SLC38A12: variants seen among roughly 807,000 people sequenced by gnomAD.
SLC38A12 encodes putative sodium-coupled neutral amino acid transporter 12.
chr17:74,836,772 C>T, the SLC38A12 span: 7 of 1,497,252 alleles, frequency 4.7e-6, no homozygotes, highest in South Asian at 9.5e-5. The surrounding 1 kb of genome is among the most constrained non-coding windows in gnomAD (Gnocchi z 4.2). Flanking sequence ...TAGTTGCTCC[C>T]AGGTCTTCAT....
chr17:74,836,092 C>G, the SLC38A12 span: 3 of 1,613,964 alleles, frequency 1.9e-6, no homozygotes, highest in Admixed American at 1.7e-5. This position sits in a 1 kb window ranked among gnomAD's most constrained non-coding sequence, Gnocchi z 4.2. Flanking sequence ...CCCGTCTCCT[C>G]CAAGCGCCAC....
At chr17:74,831,128 C>G in the SLC38A12 span, among the ~76,000 whole-genome samples, 1 of 152,064 alleles carries the variant, frequency 6.6e-6, no homozygotes, top group Non-Finnish European at 1.5e-5. Context: ...CCTCTGGGAC[C>G]CCCACCACGT....
the SLC38A12 span, among the ~76,000 whole-genome samples, chr17:74,820,667 A>G: frequency 6.6e-6 from 1 of 152,190 alleles, no homozygotes. Context: ...GGGTGTGTCC[A>G]GGCTCCAGGA....
chr17:74,828,027 CG>C, the SLC38A12 span, among the ~76,000 whole-genome samples: 1 of 152,196 alleles, frequency 6.6e-6, no homozygotes, highest in South Asian at 2.1e-4. Context: ...CCTGGAGTGC[CG>C]GTGCCTGAGC....
chr17:74,824,833 T>C, the SLC38A12 span, among the ~76,000 whole-genome samples: 1 of 152,072 alleles, frequency 6.6e-6, no homozygotes, highest in African/African-American at 2.4e-5. Flanking sequence ...TCCACCTCCC[T>C]CAGCAACTGC....
the SLC38A12 span, among the ~76,000 whole-genome samples, chr17:74,813,964 G>A: frequency 7.2e-5 from 11 of 152,314 alleles, no homozygotes; most frequent in South Asian, 2.3e-3. Context: ...GAAGGATGAC[G>A]ACCAGCAGCA....
the SLC38A12 span, among the ~76,000 whole-genome samples, chr17:74,829,716 C>G: frequency 6.6e-6 from 1 of 152,236 alleles, no homozygotes; most frequent in Admixed American, 6.5e-5. The surrounding 1 kb of genome is among the most constrained non-coding windows in gnomAD (Gnocchi z 4.1). Context: ...GCCCCCAGAG[C>G]GGAGGTAGGG....
chr17:74,793,864 A>T, the SLC38A12 span, among the ~76,000 whole-genome samples: 1 of 152,274 alleles, frequency 6.6e-6, no homozygotes, highest in East Asian at 1.9e-4. Flanking sequence ...ACGTTTTCTT[A>T]GTCTTTTCCC....
At chr17:74,838,609 T>G in the SLC38A12 span, 10 of 1,307,998 alleles carry the variant, frequency 7.6e-6, no homozygotes, top group South Asian at 1.4e-4. Context: ...AGTGACCACA[T>G]CGCTGATGCC....
At chr17:74,819,690 G>A in the SLC38A12 span, 196 of 1,519,008 alleles carry the variant, frequency 1.3e-4, no homozygotes, top group South Asian at 9.5e-4. Context: ...AGCGTCTTCC[G>A]TGTGCAGACA....
the SLC38A12 span, among the ~76,000 whole-genome samples, chr17:74,779,842 T>G: frequency 6.6e-6 from 1 of 152,252 alleles, no homozygotes; most frequent in Non-Finnish European, 1.5e-5. Flanking sequence ...TCCAAGGATG[T>G]TCGCTTTAGC....
the SLC38A12 span, among the ~76,000 whole-genome samples, chr17:74,799,016 G>A: frequency 1.4e-5 from 1 of 71,658 alleles, no homozygotes; most frequent in Non-Finnish European, 2.7e-5. Flanking sequence ...CTGGGATGCA[G>A]GCGTGTGTCA....
At chr17:74,835,001 G>A in the SLC38A12 span, among the ~76,000 whole-genome samples, 8 of 152,222 alleles carry the variant, frequency 5.3e-5, no homozygotes, top group African/African-American at 1.9e-4. Flanking sequence ...CTGCCTCTGG[G>A]GAACTCAGCC....
At chr17:74,785,751 A>G in the SLC38A12 span, 1 of 1,161,724 alleles carries the variant, frequency 8.6e-7, no homozygotes. Flanking sequence ...CAGGGTATTC[A>G]GAGAGGGGAA....
At chr17:74,827,877 T>C in the SLC38A12 span, among the ~76,000 whole-genome samples, 14 of 151,780 alleles carry the variant, frequency 9.2e-5, no homozygotes, top group African/African-American at 3.4e-4. The surrounding 1 kb of genome is among the most constrained non-coding windows in gnomAD (Gnocchi z 4.7). Context: ...AGTGGTTCTC[T>C]GCTCAGGCTG....
the SLC38A12 span, among the ~76,000 whole-genome samples, chr17:74,822,005 A>G: frequency 6.6e-6 from 1 of 152,196 alleles, no homozygotes; most frequent in Non-Finnish European, 1.5e-5. Context: ...CACCCAGGAT[A>G]GTGACAGTTA....
the SLC38A12 span, chr17:74,790,229 C>G: frequency 1.2e-6 from 2 of 1,614,140 alleles, no homozygotes; most frequent in South Asian, 2.2e-5. Context: ...CCTCCACAGC[C>G]TCAGACAGCG....
the SLC38A12 span, among the ~76,000 whole-genome samples, chr17:74,833,319 T>C: frequency 1.3e-5 from 2 of 152,246 alleles, no homozygotes; most frequent in African/African-American, 4.8e-5. Flanking sequence ...CCAGCCGCCA[T>C]GGCTTTGTTC....
At chr17:74,836,854 A>C in the SLC38A12 span, 1 of 1,401,322 alleles carries the variant, frequency 7.1e-7, no homozygotes, top group Non-Finnish European at 9.2e-7. This position sits in a 1 kb window ranked among gnomAD's most constrained non-coding sequence, Gnocchi z 4.2. Context: ...CCCACCTTCC[A>C]CCCAGTCTGC....
Sources: allele counts gnomAD v4.1 joint callset (sites outside exome capture counted in the v4.1 genomes callset), GRCh38; gene constraint gnomAD v4.1.1; non-coding constraint Gnocchi (gnomAD v3.1); transcripts MANE v1.5; gene names NCBI Gene and HGNC (gene_info 2026-07-23, HGNC 2026-07-21).